Variants in CDH13 observed in about 807,000 individuals in gnomAD.
The protein encoded by CDH13 is cadherin 13.
Under a neutral mutation model 63.8 loss-of-function variants are expected in CDH13, and 24 were observed. That is an observed-to-expected ratio of 0.38 (90% confidence interval 0.27 to 0.53). The LOEUF is 0.53. Among genes scored for constraint, CDH13 ranks in the 20% least tolerant of loss-of-function variants. CDH13 has a pLI of 0.85. For missense variants in CDH13, 1,049 were observed against 903.1 expected (o/e 1.16, Z -2.07); for synonymous variants, 503 against 355.3 (o/e 1.42, Z -4.67).
chr16:83,763,967 G>A (rs1375908103), intron 11 of CDH13, among the ~76,000 whole-genome samples: 2 of 152,138 alleles, frequency 1.3e-5, no homozygotes, highest in Non-Finnish European at 2.9e-5. Context: ...TGCAATGATA[G>A]CCGAGAGACT....
At chr16:82,779,890 C>T (rs2151112257) in intron 1 of CDH13, among the ~76,000 whole-genome samples, 1 of 152,280 alleles carries the variant, frequency 6.6e-6, no homozygotes, top group South Asian at 2.1e-4. Context: ...TTGACAACCC[C>T]TGAGAATCGA....
intron 7 of CDH13, among the ~76,000 whole-genome samples, chr16:83,502,948 G>T (rs550093118): frequency 1.3e-5 from 2 of 152,324 alleles, no homozygotes; most frequent in African/African-American, 4.8e-5. Context: ...TGGTAAAAGT[G>T]CATGAAAGTG....
chr16:83,336,500 T>C (rs187760753), intron 5 of CDH13, among the ~76,000 whole-genome samples: 59 of 152,234 alleles, frequency 3.9e-4, no homozygotes, highest in African/African-American at 1.2e-3. Flanking sequence ...AGAGATATCT[T>C]ATCTGTCTGC....
At chr16:82,750,330 G>A (rs1320308534) in intron 1 of CDH13, among the ~76,000 whole-genome samples, 1 of 152,160 alleles carries the variant, frequency 6.6e-6, no homozygotes, top group Non-Finnish European at 1.5e-5. Flanking sequence ...TCTTTAATCT[G>A]TTTTTGGAAA....
At chr16:82,662,037 T>C (rs569751643) in intron 1 of CDH13, among the ~76,000 whole-genome samples, 21 of 152,330 alleles carry the variant, frequency 1.4e-4, no homozygotes. Flanking sequence ...TGTGCAGATG[T>C]AGGACATCCC....
At chr16:83,313,706 C>G (rs975814501) in intron 5 of CDH13, among the ~76,000 whole-genome samples, 2 of 148,518 alleles carry the variant, frequency 1.3e-5, no homozygotes, top group African/African-American at 5.0e-5. Flanking sequence ...TGTGAGCATT[C>G]TAGAGGGACA....
At chr16:83,317,213 C>G (rs1268335669) in intron 5 of CDH13, among the ~76,000 whole-genome samples, 1 of 152,190 alleles carries the variant, frequency 6.6e-6, no homozygotes, top group Non-Finnish European at 1.5e-5. Context: ...CCAAGGCAAA[C>G]TTCTATAAAC....
intron 7 of CDH13, among the ~76,000 whole-genome samples, chr16:83,536,137 C>T (rs1031671962): frequency 4.6e-5 from 7 of 152,102 alleles, no homozygotes; most frequent in African/African-American, 1.2e-4. Context: ...AAATCCTTTC[C>T]GTAATATCCA....
chr16:83,613,623 G>A lies in CDH13; in HGVS notation c.1101+11029G>A, dbSNP rs557268978. 9.2e-5 allele frequency among the ~76,000 whole-genome samples: 14 copies of A among 151,742 alleles called. No individual in the cohort carries two copies. The South Asian group carries it at 2.7e-3, about 29-fold the overall frequency. On this transcript the variant is annotated intron_variant, in intron 8 of 13. Transcript: ENST00000567109. ...CGGTGGGCAGATCACTTGAGGTCAG[G>A]AGTTCAACACCAGCCTGGCCAACAT...
At chr16:83,326,726 C>T (rs1292196983) in intron 5 of CDH13, among the ~76,000 whole-genome samples, 1 of 152,138 alleles carries the variant, frequency 6.6e-6, no homozygotes, top group East Asian at 1.9e-4. Flanking sequence ...GAACAAGTCA[C>T]TAAGACACTT....
intron 6 of CDH13, among the ~76,000 whole-genome samples, chr16:83,438,411 T>C (rs962547999): frequency 3.3e-5 from 5 of 152,340 alleles, no homozygotes; most frequent in South Asian, 2.1e-4. Context: ...AATTGAAGTA[T>C]GTTAAAGGAA....
At chr16:82,800,012 A>G (rs2036774655) in intron 1 of CDH13, among the ~76,000 whole-genome samples, 1 of 152,206 alleles carries the variant, frequency 6.6e-6, no homozygotes, top group African/African-American at 2.4e-5. Context: ...TTACTAAGGG[A>G]CTACTACACT....
intron 6 of CDH13, among the ~76,000 whole-genome samples, chr16:83,399,563 T>C (rs1267985042): frequency 2.6e-5 from 4 of 152,182 alleles, no homozygotes; most frequent in African/African-American, 4.8e-5. Context: ...ATGGGGACTT[T>C]GTCTCATCCT....
At chr16:83,419,832 T>C (rs1296737886) in intron 6 of CDH13, among the ~76,000 whole-genome samples, 2 of 152,156 alleles carry the variant, frequency 1.3e-5, no homozygotes, top group African/African-American at 4.8e-5. Flanking sequence ...TTATTGAACA[T>C]CTTGCTTCCA....
intron 1 of CDH13, among the ~76,000 whole-genome samples, chr16:82,743,234 T>C (rs928255968): frequency 6.6e-6 from 1 of 152,164 alleles, no homozygotes; most frequent in Admixed American, 6.5e-5. Flanking sequence ...GCTAATATGT[T>C]TTTTGTTTTT....
At chr16:83,004,945 G>A (rs1218974148) in intron 2 of CDH13, among the ~76,000 whole-genome samples, 1 of 152,282 alleles carries the variant, frequency 6.6e-6, no homozygotes, top group East Asian at 1.9e-4. Flanking sequence ...CTGCACCATA[G>A]CCAGGCTGTA....
At position 82,924,308 on chromosome 16, in the gene CDH13, C is replaced by CT. The variant is rs895199571; in HGVS notation, c.157+65838dup. 2.4e-4 allele frequency among the ~76,000 whole-genome samples: 36 copies of CT among 152,208 alleles called. 1 individual carries two copies. In the South Asian group the frequency reaches 2.5e-3, roughly 11 times the overall value. On this transcript the variant is annotated intron_variant, in intron 2 of 13. Transcript: ENST00000567109. Reference sequence around the variant, plus strand: ...GTTCATGCAGAGACAATATAAAAGCCTTTCCCCAACTTCTCCCCCTCCTCC... The same window carrying CT: ...GTTCATGCAGAGACAATATAAAAGCCTTTTCCCCAACTTCTCCCCCTCCTCC...
chr16:83,772,704 A>C (rs1161491217), intron 11 of CDH13: 1 of 152,196 alleles, frequency 6.6e-6, no homozygotes, highest in African/African-American at 2.4e-5. Context: ...CTGGTGTGAC[A>C]TGACCATTCT....
intron 1 of CDH13, among the ~76,000 whole-genome samples, chr16:82,840,624 G>T (rs2038967373): frequency 1.3e-5 from 2 of 150,428 alleles, no homozygotes; most frequent in Non-Finnish European, 3.0e-5. Context: ...GGCGGAGGTT[G>T]CAGTGAGCTG....
Sources: gnomAD v4.1 joint callset for allele counts (sites outside exome capture counted in the v4.1 genomes callset) on GRCh38, gnomAD v4.1.1 for gene constraint, MANE v1.5 for transcripts, NCBI Gene and HGNC (gene_info 2026-07-23, HGNC 2026-07-21) for gene names.